FTO: variants seen among roughly 807,000 people sequenced by gnomAD.
FTO encodes alpha-ketoglutarate-dependent dioxygenase FTO.
Under a neutral mutation model 63.9 loss-of-function variants are expected in FTO, and 47 were observed. The observed-to-expected ratio is 0.74, with a 90% CI of 0.58 to 0.94. The LOEUF (loss-of-function observed/expected upper bound fraction) is 0.94, where lower values mean the gene tolerates loss of function less well. Among genes scored for constraint, FTO ranks in the 40% least tolerant of loss-of-function variants. The probability of loss-of-function intolerance (pLI) is 0.00; values close to 1 mark genes in which losing one functional copy is unlikely to be tolerated. For missense variants in FTO, 562 were observed against 618.1 expected, an observed-to-expected ratio of 0.91 and a Z score of 0.96; for synonymous variants, 207 against 224.4, an observed-to-expected ratio of 0.92 and a Z score of 0.69.
At chr16:53,771,864 A>G (rs2077348938) in intron 1 of FTO, among the ~76,000 whole-genome samples, 1 of 152,140 alleles carries the variant, frequency 6.6e-6, no homozygotes, top group African/African-American at 2.4e-5. Flanking sequence ...GCCAGTGACA[A>G]AAGGCCACAT....
At chr16:54,069,895 T>C (rs1326360405) in intron 8 of FTO, 1 of 152,214 alleles carries the variant, frequency 6.6e-6, no homozygotes, top group Non-Finnish European at 1.5e-5. Context: ...AGAAGGGCCA[T>C]GGAGTCAGAT....
intron 8 of FTO, among the ~76,000 whole-genome samples, chr16:54,005,814 C>A (rs1237792945): frequency 1.3e-5 from 2 of 152,166 alleles, no homozygotes; most frequent in African/African-American, 4.8e-5. Context: ...CAAAGGAACC[C>A]AGATTGGAGA....
At chr16:53,818,652 A>ATTT (rs60422764) in intron 2 of FTO, among the ~76,000 whole-genome samples, 1 of 143,028 alleles carries the variant, frequency 7.0e-6, no homozygotes. Flanking sequence ...TTTTTATCCA[A>ATTT]TTTTTTTTTT....
chr16:53,825,952 C>T lies in FTO; in HGVS notation c.212C>T (p.Thr71Ile), dbSNP rs772076301. 3.1e-6 allele frequency: 5 copies of T among 1,614,192 alleles called. No individual in the cohort carries two copies. The highest frequency in any genetic ancestry group is 1.7e-5 in the Admixed American group (1 of 60,024). ...LHKEVQEAFL[T>I]LHKHGCLFRD... ...AAAGAGGTTCAAGAAGCCTTTCTCA[C>T]ACTGCACAAGCATGGCTGCTTATTT... The change falls in exon 3 of 9, where the codon ACA becomes ATA. Residue 71 changes from threonine to isoleucine, a missense_variant. By Grantham distance (89) the Thr-to-Ile change is moderately conservative. Transcript: ENST00000471389.
intron 1 of FTO, among the ~76,000 whole-genome samples, chr16:53,779,593 G>A (rs1474411699): frequency 6.6e-6 from 1 of 152,148 alleles, no homozygotes; most frequent in Non-Finnish European, 1.5e-5. Context: ...ACTCATTTCG[G>A]GTACAATTTA....
chr16:54,081,643 T>C (rs542750545), intron 8 of FTO, among the ~76,000 whole-genome samples: 1 of 152,232 alleles, frequency 6.6e-6, no homozygotes, highest in African/African-American at 2.4e-5. Context: ...CCAAACACTA[T>C]GGCATTGTTT....
intron 1 of FTO, among the ~76,000 whole-genome samples, chr16:53,761,678 A>G (rs1392904924): frequency 6.6e-6 from 1 of 151,504 alleles, no homozygotes; most frequent in Admixed American, 6.6e-5. Flanking sequence ...GCCCTGGGAG[A>G]CTCCTGCTCA....
intron 1 of FTO, among the ~76,000 whole-genome samples, chr16:53,780,376 A>G (rs77332110): frequency 0.04 from 6,151 of 152,076 alleles, 207 homozygotes; most frequent in African/African-American, 0.095. Flanking sequence ...CACCCACTCA[A>G]TGTGCCTTCC....
chr16:53,847,798 A>C (rs2079674094), intron 4 of FTO, among the ~76,000 whole-genome samples: 1 of 152,054 alleles, frequency 6.6e-6, no homozygotes, highest in Non-Finnish European at 1.5e-5. Flanking sequence ...TATTTTAATG[A>C]AAATATTAAA....
intron 8 of FTO, chr16:54,008,563 A>T (rs2084263407): frequency 6.6e-6 from 1 of 152,086 alleles, no homozygotes; most frequent in African/African-American, 2.4e-5. Flanking sequence ...GTATTTGACC[A>T]AGAAATACCT....
At chr16:53,704,024 G>A (rs946112953), upstream of FTO, 5 of 773,204 alleles carry the variant, frequency 6.5e-6, no homozygotes, top group African/African-American at 5.1e-5. Flanking sequence ...TGGCGCTCGC[G>A]GGTGTCGCCG....
intron 1 of FTO, among the ~76,000 whole-genome samples, chr16:53,726,155 G>C (rs2076148232): frequency 7.3e-6 from 1 of 137,328 alleles, no homozygotes; most frequent in Non-Finnish European, 1.6e-5. Context: ...TGAATCATTT[G>C]TGGACTACGA....
At chr16:54,099,502 C>T (rs1477590158) in intron 8 of FTO, among the ~76,000 whole-genome samples, 1 of 152,256 alleles carries the variant, frequency 6.6e-6, no homozygotes, top group East Asian at 1.9e-4. Context: ...TCGTCCAGCT[C>T]ATTTGACCTT....
At chr16:53,991,439 G>A (rs1471975220) in intron 8 of FTO, 4 of 152,164 alleles carry the variant, frequency 2.6e-5, no homozygotes. Context: ...ATCAGATCGT[G>A]TTTCACCAGG....
intron 1 of FTO, among the ~76,000 whole-genome samples, chr16:53,793,629 C>G (rs989125904): frequency 6.6e-6 from 1 of 152,152 alleles, no homozygotes; most frequent in African/African-American, 2.4e-5. Context: ...GAGAAGTGAA[C>G]TCTGCTAGGG....
chr16:53,739,086 C>G (rs2076462541), intron 1 of FTO, among the ~76,000 whole-genome samples: 1 of 152,200 alleles, frequency 6.6e-6, no homozygotes, highest in African/African-American at 2.4e-5. Flanking sequence ...CTCGGCTGCC[C>G]AAACTGCTGG....
chr16:53,852,683 A>G (rs2079848205), intron 4 of FTO, among the ~76,000 whole-genome samples: 1 of 152,234 alleles, frequency 6.6e-6, no homozygotes, highest in African/African-American at 2.4e-5. Flanking sequence ...TGCGCCAATG[A>G]ATGAAGAATA....
chr16:53,862,213 A>G (rs1208259165), intron 4 of FTO, among the ~76,000 whole-genome samples: 1 of 152,090 alleles, frequency 6.6e-6, no homozygotes, highest in Non-Finnish European at 1.5e-5. Flanking sequence ...GTGCCACTGC[A>G]CTCCAGCCTG....
intron 8 of FTO, among the ~76,000 whole-genome samples, chr16:53,953,678 C>T (rs550533135): frequency 7.9e-5 from 12 of 152,152 alleles, no homozygotes; most frequent in African/African-American, 2.2e-4. Context: ...AATATAAACA[C>T]GTAGGAATCT....
Sources: gnomAD v4.1 joint callset for allele counts (sites outside exome capture counted in the v4.1 genomes callset) on GRCh38, gnomAD v4.1.1 for gene constraint, MANE v1.5 for transcripts, NCBI Gene and HGNC (gene_info 2026-07-23, HGNC 2026-07-21) for gene names.